Variants in FBXW7 observed in about 807,000 individuals in gnomAD.
The protein encoded by FBXW7 is F-box/WD repeat-containing protein 7.
FBXW7 carries 11 observed loss-of-function variants against 86.3 expected under a neutral mutation model. The ratio of observed to expected loss-of-function variants is 0.13; its 90% confidence interval spans 0.08 to 0.21. The LOEUF (loss-of-function observed/expected upper bound fraction) is 0.21. Ranked by LOEUF, FBXW7 falls within the 10% of genes least tolerant of loss-of-function variation. The pLI is 1.00. For missense variants in FBXW7, 488 were observed against 847.4 expected, an observed-to-expected ratio of 0.58 and a Z score of 5.27; for synonymous variants, 313 against 297.9, an observed-to-expected ratio of 1.05 and a Z score of -0.52.
intron 2 of FBXW7, among the ~76,000 whole-genome samples, chr4:152,423,860 T>A (rs1009088314): frequency 1.3e-5 from 2 of 152,094 alleles, no homozygotes; most frequent in African/African-American, 4.8e-5. Context: ...CTAGAAGGAG[T>A]CACTAGAGGA....
At chr4:152,492,063 C>T (rs776796073) in intron 2 of FBXW7, among the ~76,000 whole-genome samples, 4 of 152,152 alleles carry the variant, frequency 2.6e-5, no homozygotes, top group Non-Finnish European at 4.4e-5. Flanking sequence ...TTTCCAGAAG[C>T]AAAAGGCAAC....
chr4:152,507,867 CACAGCAAG>C lies in FBXW7; in HGVS notation c.-120+27066_-120+27073del, dbSNP rs144689853. ...AGGAGTTTAAGACTAGCTTGGGCAA[CACAGCAAG>C]ACTCTGTCTCTATTGGAGAAAAAAA... On this transcript the variant is annotated intron_variant, in intron 2 of 13. Coordinates refer to ENST00000281708, the MANE Select transcript of FBXW7 (RefSeq NM_001349798.2). 9.0e-3 allele frequency among the ~76,000 whole-genome samples: 1,347 copies of C among 150,454 alleles called. 18 individuals are homozygous for C. Among genetic ancestry groups the C allele is most frequent in the East Asian group, 0.042 (217 of 5,106 alleles).
intron 10 of FBXW7, chr4:152,329,204 C>T (rs1729326994): frequency 6.6e-6 from 1 of 151,992 alleles, no homozygotes; most frequent in Admixed American, 6.6e-5. Flanking sequence ...CCACTCTCAT[C>T]TCACAAGGGT....
At chr4:152,433,871 T>C (rs978454537) in intron 2 of FBXW7, among the ~76,000 whole-genome samples, 6 of 152,246 alleles carry the variant, frequency 3.9e-5, no homozygotes, top group Non-Finnish European at 7.3e-5. Context: ...GGAAAAATTA[T>C]TCCACGCATC....
intron 4 of FBXW7, among the ~76,000 whole-genome samples, chr4:152,381,903 C>T (rs184131573): frequency 8.6e-5 from 13 of 152,042 alleles, no homozygotes; most frequent in African/African-American, 2.7e-4. Context: ...TATTTGTCAA[C>T]GTATTTCAAA....
chr4:152,466,245 A>G (rs79644144), intron 2 of FBXW7, among the ~76,000 whole-genome samples: 2,435 of 152,304 alleles, frequency 0.016, 75 homozygotes, highest in African/African-American at 0.056. Flanking sequence ...ATAAGGAACT[A>G]AATTGGTACC....
chr4:152,458,035 A>G (rs2149624724), intron 2 of FBXW7, among the ~76,000 whole-genome samples: 2 of 151,782 alleles, frequency 1.3e-5, no homozygotes, highest in East Asian at 3.9e-4. Context: ...TTTGAGATGG[A>G]GTCTCGCTCT....
intron 2 of FBXW7, among the ~76,000 whole-genome samples, chr4:152,442,030 G>T (rs1367686854): frequency 6.6e-6 from 1 of 152,118 alleles, no homozygotes; most frequent in Non-Finnish European, 1.5e-5. Context: ...TATTCTTCCT[G>T]TAAGTTTTGT....
chr4:152,379,222 TA>T (rs773056393), intron 4 of FBXW7, among the ~76,000 whole-genome samples: 2 of 151,868 alleles, frequency 1.3e-5, no homozygotes, highest in Admixed American at 1.3e-4. Context: ...CAATTTCAAA[TA>T]AAAAATAGTT....
intron 4 of FBXW7, among the ~76,000 whole-genome samples, chr4:152,369,838 T>C (rs961657889): frequency 6.6e-6 from 1 of 151,984 alleles, no homozygotes; most frequent in Non-Finnish European, 1.5e-5. Context: ...TAACTAAACA[T>C]ATTCCTTGAC....
At chr4:152,366,473 A>G (rs1432418815) in intron 4 of FBXW7, among the ~76,000 whole-genome samples, 2 of 152,128 alleles carry the variant, frequency 1.3e-5, no homozygotes, top group African/African-American at 4.8e-5. Flanking sequence ...AGTATTTTGT[A>G]CCTCCATTTT....
At chr4:152,505,932 G>C (rs941461744) in intron 2 of FBXW7, among the ~76,000 whole-genome samples, 1 of 151,734 alleles carries the variant, frequency 6.6e-6, no homozygotes, top group Admixed American at 6.6e-5. Context: ...GTAGAGACAG[G>C]GTTTTGCGAT....
intron 2 of FBXW7, among the ~76,000 whole-genome samples, chr4:152,450,933 A>G (rs1741847874): frequency 6.6e-6 from 1 of 152,182 alleles, no homozygotes; most frequent in South Asian, 2.1e-4. Flanking sequence ...CCCCACACCA[A>G]TATCCCTTGG....
intron 4 of FBXW7, among the ~76,000 whole-genome samples, chr4:152,364,076 C>T (rs1291145218): frequency 6.6e-6 from 1 of 152,156 alleles, no homozygotes; most frequent in African/African-American, 2.4e-5. Flanking sequence ...TAATTGTGTA[C>T]TGTGATACAC....
intron 2 of FBXW7, among the ~76,000 whole-genome samples, chr4:152,521,157 C>T (rs926988984): frequency 6.6e-6 from 1 of 151,850 alleles, no homozygotes; most frequent in Non-Finnish European, 1.5e-5. Flanking sequence ...AGACTCTTGC[C>T]CTCAAAGAAC....
At chr4:152,410,706 G>A (rs1276877207) in intron 4 of FBXW7, among the ~76,000 whole-genome samples, 1 of 152,096 alleles carries the variant, frequency 6.6e-6, no homozygotes. Flanking sequence ...AAGCAAGTAG[G>A]AGTAAGAGGA....
At chr4:152,328,150 G>A (rs2126511511) in intron 11 of FBXW7, 58 bp downstream of exon 11, 1 of 1,434,612 alleles carries the variant, frequency 7.0e-7, no homozygotes, top group Non-Finnish European at 9.5e-7. Context: ...CACAGAAAGG[G>A]CCCAAATTCA....
chr4:152,502,559 TA>T (rs1747056363), intron 2 of FBXW7, among the ~76,000 whole-genome samples: 1 of 152,096 alleles, frequency 6.6e-6, no homozygotes, highest in Admixed American at 6.5e-5. Context: ...TTATTTTTTT[TA>T]ATTTTAATAT....
chr4:152,401,140 A>G (rs1736889733), intron 4 of FBXW7, among the ~76,000 whole-genome samples: 1 of 152,222 alleles, frequency 6.6e-6, no homozygotes, highest in African/African-American at 2.4e-5. Context: ...GCAGTTTCTT[A>G]CAAAATTAAT....
Sources: allele counts gnomAD v4.1 joint callset (sites outside exome capture counted in the v4.1 genomes callset), GRCh38; gene constraint gnomAD v4.1.1; transcripts MANE v1.5; gene names NCBI Gene and HGNC (gene_info 2026-07-23, HGNC 2026-07-21).